The following CLVS1 variants were observed in gnomAD, a reference collection of about 807,000 sequenced individuals.
CLVS1 encodes the protein clavesin-1.
Under a neutral mutation model 33.1 loss-of-function variants are expected in CLVS1, and 10 were observed. The observed-to-expected ratio is 0.30, with a 90% CI of 0.19 to 0.51. The LOEUF (loss-of-function observed/expected upper bound fraction) is 0.51. Among genes scored for constraint, CLVS1 ranks in the 20% least tolerant of loss-of-function variants. The pLI is 0.97. For synonymous variants in CLVS1, 163 were observed against 166.1 expected (o/e 0.98, Z 0.14); for missense variants, 343 against 433.4 (o/e 0.79, Z 1.85).
chr8:61,294,283 C>T (rs970757887), intron 1 of CLVS1, among the ~76,000 whole-genome samples: 4 of 152,088 alleles, frequency 2.6e-5, no homozygotes, highest in Admixed American at 2.0e-4. Flanking sequence ...TCAGCCATAT[C>T]TAAATCTCAG....
chr8:61,063,158 C>T (rs1011635700), intron 1 of CLVS1, among the ~76,000 whole-genome samples: 3 of 152,044 alleles, frequency 2.0e-5, no homozygotes, highest in Non-Finnish European at 2.9e-5. Context: ...GCTTTGCTCT[C>T]GCTCCCCTGG....
At chr8:61,164,318 G>A (rs1284343977) in intron 2 of CLVS1, among the ~76,000 whole-genome samples, 18 of 151,414 alleles carry the variant, frequency 1.2e-4, no homozygotes, top group Admixed American at 1.2e-3. Flanking sequence ...GGGAGGAAAA[G>A]GGTCCTTGGG....
chr8:61,287,609 G>A (rs1809815660), upstream of CLVS1, among the ~76,000 whole-genome samples: 1 of 151,838 alleles, frequency 6.6e-6, no homozygotes, highest in African/African-American at 2.4e-5. Flanking sequence ...ACATCTATGT[G>A]TAATTTATTT....
At chr8:60,972,165 T>C in the CLVS1 span, among the ~76,000 whole-genome samples, 43 of 152,082 alleles carry the variant, frequency 2.8e-4, no homozygotes, top group Non-Finnish European at 4.9e-4. Flanking sequence ...TCTCACCCAT[T>C]AGGGCCTCTC....
intron 2 of CLVS1, among the ~76,000 whole-genome samples, chr8:61,156,658 A>G (rs1164862595): frequency 6.6e-6 from 1 of 152,228 alleles, no homozygotes; most frequent in African/African-American, 2.4e-5. Context: ...AAATAACAGT[A>G]ATAATTGGAA....
chr8:61,186,424 T>G (rs772951690), intron 2 of CLVS1, among the ~76,000 whole-genome samples: 1 of 151,652 alleles, frequency 6.6e-6, no homozygotes, highest in Non-Finnish European at 1.5e-5. Flanking sequence ...ACTGCAAACA[T>G]TGAGAAGGAA....
chr8:61,486,642 G>A (rs1803895043), intron 5 of CLVS1, among the ~76,000 whole-genome samples: 1 of 152,116 alleles, frequency 6.6e-6, no homozygotes. Flanking sequence ...ATAGCAGAAA[G>A]GAAGCGTTGA....
At chr8:61,100,255 A>G (rs890403792) in intron 1 of CLVS1, among the ~76,000 whole-genome samples, 22 of 152,210 alleles carry the variant, frequency 1.4e-4, no homozygotes, top group Non-Finnish European at 3.2e-4. Context: ...ATGACATTCA[A>G]TGCATTATGA....
chr8:61,062,685 A>T (rs1318588233), intron 1 of CLVS1, among the ~76,000 whole-genome samples: 1 of 152,170 alleles, frequency 6.6e-6, no homozygotes, highest in East Asian at 1.9e-4. Flanking sequence ...GAAAGTTGTG[A>T]AGTCTCTAGA....
chr8:61,068,227 G>GTATATATATATATATATATATATA (rs761732435), intron 1 of CLVS1, among the ~76,000 whole-genome samples: 4 of 88,298 alleles, frequency 4.5e-5, no homozygotes, highest in Admixed American at 1.2e-4. Flanking sequence ...ATGTATGTAT[G>GTATATATATATATATATATATATA]TGTATATATA....
At chr8:61,211,865 G>A (rs1447317936) in intron 2 of CLVS1, among the ~76,000 whole-genome samples, 1 of 152,200 alleles carries the variant, frequency 6.6e-6, no homozygotes, top group African/African-American at 2.4e-5. Context: ...TTGAAGCAGA[G>A]GGAGGTGGCA....
At chr8:61,124,863 A>T (rs1445792788) in intron 1 of CLVS1, among the ~76,000 whole-genome samples, 1 of 152,170 alleles carries the variant, frequency 6.6e-6, no homozygotes, top group Non-Finnish European at 1.5e-5. Context: ...TCAGTGCCTC[A>T]TGTGCCAGTG....
chr8:61,452,690 G>C (rs187397310), intron 3 of CLVS1, among the ~76,000 whole-genome samples: 1 of 152,268 alleles, frequency 6.6e-6, no homozygotes, highest in Non-Finnish European at 1.5e-5. Flanking sequence ...CACTTGTTCT[G>C]TTAAGTTTTT....
At chr8:61,394,593 G>C (rs753095290) in intron 3 of CLVS1, among the ~76,000 whole-genome samples, 7 of 152,100 alleles carry the variant, frequency 4.6e-5, no homozygotes, top group Non-Finnish European at 1.0e-4. Context: ...GTGTCATACA[G>C]GTCATCAGGG....
chr8:61,283,513 A>T (rs555708772), upstream of CLVS1, among the ~76,000 whole-genome samples: 2 of 152,326 alleles, frequency 1.3e-5, no homozygotes, highest in Admixed American at 1.3e-4. Flanking sequence ...CAAATTTCTT[A>T]TACTGGTCAA....
chr8:61,240,084 A>G (rs942482262), intron 2 of CLVS1, among the ~76,000 whole-genome samples: 4 of 152,196 alleles, frequency 2.6e-5, no homozygotes, highest in African/African-American at 9.6e-5. Flanking sequence ...TACAGGGAAA[A>G]TCCATTTTCA....
At chr8:61,331,827 T>A (rs1811611120) in intron 2 of CLVS1, among the ~76,000 whole-genome samples, 2 of 131,064 alleles carry the variant, frequency 1.5e-5, no homozygotes, top group Non-Finnish European at 3.1e-5. Context: ...CTCCTCTTCC[T>A]CCTCCTCCTC....
intron 1 of CLVS1, among the ~76,000 whole-genome samples, chr8:61,289,231 T>G (rs1809886843): frequency 6.6e-6 from 1 of 152,238 alleles, no homozygotes. Context: ...TAAAGGGTAA[T>G]AGAATGCAAA....
chr8:61,079,694 G>A (rs1168811342), intron 1 of CLVS1, among the ~76,000 whole-genome samples: 1 of 152,128 alleles, frequency 6.6e-6, no homozygotes, highest in Non-Finnish European at 1.5e-5. Flanking sequence ...AAAAGCTGAT[G>A]AAGGTCAGAG....
Sources: gnomAD v4.1 joint callset for allele counts (sites outside exome capture counted in the v4.1 genomes callset) on GRCh38, gnomAD v4.1.1 for gene constraint, MANE v1.5 for transcripts, NCBI Gene and HGNC (gene_info 2026-07-23, HGNC 2026-07-21) for gene names.